The following PARD3B variants were observed in gnomAD, a reference collection of about 807,000 sequenced individuals.
PARD3B encodes partitioning defective 3 homolog B.
In PARD3B, 103 loss-of-function variants were observed where a neutral mutation model predicts 130.2. The observed-to-expected ratio is 0.79, with a 90% CI of 0.67 to 0.93. PARD3B has a LOEUF of 0.93. Among genes scored for constraint, PARD3B ranks in the 40% least tolerant of loss-of-function variants. The probability of loss-of-function intolerance (pLI) is 0.00; values close to 1 mark genes in which losing one functional copy is unlikely to be tolerated. For missense variants in PARD3B, 1,609 were observed against 1,499.2 expected (o/e 1.07, Z -1.21); for synonymous variants, 583 against 553.2 (o/e 1.05, Z -0.76).
intron 1 of PARD3B, among the ~76,000 whole-genome samples, chr2:204,559,721 A>C (rs2031181356): frequency 6.6e-6 from 1 of 152,246 alleles, no homozygotes; most frequent in Non-Finnish European, 1.5e-5. Context: ...TCATGCTGCT[A>C]TAAAGACACA....
At chr2:205,529,439 A>AT (rs1035474118) in intron 21 of PARD3B, among the ~76,000 whole-genome samples, 9 of 151,902 alleles carry the variant, frequency 5.9e-5, no homozygotes, top group Admixed American at 5.2e-4. Context: ...CATTTCACTC[A>AT]TTTTTTTTCT....
intron 15 of PARD3B, among the ~76,000 whole-genome samples, chr2:205,206,961 T>G (rs2125838827): frequency 6.8e-6 from 1 of 147,772 alleles, no homozygotes; most frequent in South Asian, 2.2e-4. Context: ...GACCACATAC[T>G]TGGAAGTAAA....
intron 3 of PARD3B, among the ~76,000 whole-genome samples, chr2:204,998,350 ATATATATATGTG>A (rs869158723): frequency 0.015 from 1,197 of 77,770 alleles, 76 homozygotes; most frequent in Admixed American, 0.053. Context: ...ATATATATAT[ATATATATATGTG>A]TGTGTGTGTG....
intron 22 of PARD3B, among the ~76,000 whole-genome samples, chr2:205,587,694 G>C (rs2054246793): frequency 1.3e-5 from 2 of 152,142 alleles, no homozygotes; most frequent in South Asian, 4.1e-4. Context: ...TTGATTTGGA[G>C]TTTTAAAATC....
chr2:205,356,122 G>GA (rs2044184065), intron 18 of PARD3B, among the ~76,000 whole-genome samples: 1 of 152,148 alleles, frequency 6.6e-6, no homozygotes, highest in Non-Finnish European at 1.5e-5. Context: ...AGCCACTGGT[G>GA]CCCCTTCTTG....
At chr2:204,805,865 T>A (rs1420744502) in intron 2 of PARD3B, among the ~76,000 whole-genome samples, 1 of 152,060 alleles carries the variant, frequency 6.6e-6, no homozygotes, top group Non-Finnish European at 1.5e-5. Context: ...TCAACATCCC[T>A]TCATGATAAA....
intron 14 of PARD3B, among the ~76,000 whole-genome samples, chr2:205,188,838 A>AGGGATGAG (rs1353154257): frequency 6.6e-6 from 1 of 151,116 alleles, no homozygotes; most frequent in East Asian, 2.0e-4. Context: ...AGGGTGTTGG[A>AGGGATGAG]GGGATGAGGC....
At chr2:204,938,017 C>G (rs1486016843) in intron 2 of PARD3B, among the ~76,000 whole-genome samples, 1 of 152,152 alleles carries the variant, frequency 6.6e-6, no homozygotes, top group East Asian at 1.9e-4. Context: ...GTGGCTGAGT[C>G]CTAGGTGTGC....
chr2:204,806,086 A>G (rs2042758999), intron 2 of PARD3B, among the ~76,000 whole-genome samples: 1 of 152,104 alleles, frequency 6.6e-6, no homozygotes. Flanking sequence ...GATGCAATAC[A>G]ACCCCTGTGA....
At position 205,258,042 on chromosome 2, in the gene PARD3B, C is replaced by CT. The variant is rs1489561368; in HGVS notation, c.2185+12221dup. On this transcript the variant is annotated intron_variant, in intron 16 of 22. Coordinates refer to ENST00000406610, the MANE Select transcript of PARD3B (RefSeq NM_001302769.2). The surrounding 1 kb of genome is among the most constrained non-coding windows in gnomAD (Gnocchi z 4.9). ...TACTATAAACTTCTCTCAATAAACT[C>CT]TAACTTGAGTTATATTTTCAAATAT... Among the ~76,000 whole-genome samples the CT allele has an allele frequency of 1.3e-5, 2 of 152,162 alleles. No homozygotes were observed. The highest frequency in any genetic ancestry group is 2.9e-5 in the Non-Finnish European group (2 of 68,024).
intron 3 of PARD3B, among the ~76,000 whole-genome samples, chr2:205,046,747 A>G (rs1343916608): frequency 1.3e-5 from 2 of 152,146 alleles, no homozygotes; most frequent in Non-Finnish European, 2.9e-5. Context: ...TAAAACGCTA[A>G]TTTTTATATG....
intron 21 of PARD3B, among the ~76,000 whole-genome samples, chr2:205,553,023 AAAGAAGAAGAAG>A (rs71712626): frequency 1.3e-5 from 2 of 151,368 alleles, no homozygotes; most frequent in African/African-American, 2.4e-5. Context: ...GGTTTTAAAA[AAAGAAGAAGAAG>A]AAGAAGAAGA....
intron 2 of PARD3B, among the ~76,000 whole-genome samples, chr2:204,825,596 G>C (rs954964496): frequency 2.0e-5 from 3 of 152,198 alleles, no homozygotes; most frequent in Non-Finnish European, 4.4e-5. Flanking sequence ...TTTCAGTGAA[G>C]ACTAAACAGA....
intron 21 of PARD3B, among the ~76,000 whole-genome samples, chr2:205,517,277 T>C (rs1474687864): frequency 6.6e-6 from 1 of 152,024 alleles, no homozygotes; most frequent in Non-Finnish European, 1.5e-5. Flanking sequence ...GCCAGCCTCA[T>C]AGAATGAGGT....
intron 5 of PARD3B, among the ~76,000 whole-genome samples, chr2:205,110,701 C>T (rs1329548195): frequency 2.0e-5 from 3 of 149,082 alleles, no homozygotes. Flanking sequence ...ATCCTGTCTA[C>T]CTCATTTTCT....
At chr2:205,401,722 A>C (rs2046258920) in intron 19 of PARD3B, among the ~76,000 whole-genome samples, 1 of 152,186 alleles carries the variant, frequency 6.6e-6, no homozygotes, top group Admixed American at 6.6e-5. Flanking sequence ...GAGGTCCTTC[A>C]CGTATCTTTG....
intron 3 of PARD3B, among the ~76,000 whole-genome samples, chr2:204,998,336 ATATATATATATATATATATATATGTGTG>A (rs1479901764): frequency 3.9e-5 from 1 of 25,934 alleles, no homozygotes; most frequent in African/African-American, 1.3e-4. Context: ...ATATATATAT[ATATATATATATATATATATATATGTGTG>A]TGTGTGTGTG....
At chr2:204,775,827 A>G (rs1235691683) in intron 2 of PARD3B, among the ~76,000 whole-genome samples, 1 of 152,134 alleles carries the variant, frequency 6.6e-6, no homozygotes. Flanking sequence ...GAGAGGAATC[A>G]AATAAACACC....
chr2:205,314,966 T>C (rs1050246830), intron 18 of PARD3B, among the ~76,000 whole-genome samples: 1 of 152,182 alleles, frequency 6.6e-6, no homozygotes, highest in Non-Finnish European at 1.5e-5. Flanking sequence ...TACTGTCTCT[T>C]ATATCTGGCC....
Sources: gnomAD v4.1 joint callset for allele counts (sites outside exome capture counted in the v4.1 genomes callset) on GRCh38, gnomAD v4.1.1 for gene constraint, Gnocchi (gnomAD v3.1) non-coding constraint, MANE v1.5 for transcripts, NCBI Gene and HGNC (gene_info 2026-07-23, HGNC 2026-07-21) for gene names.